Variants in MAST1 observed in about 807,000 individuals in gnomAD.
MAST1 encodes the protein microtubule-associated serine/threonine-protein kinase 1.
Under a neutral mutation model 124.6 loss-of-function variants are expected in MAST1, and 40 were observed. The ratio of observed to expected loss-of-function variants is 0.32; its 90% confidence interval spans 0.25 to 0.42. The LOEUF (loss-of-function observed/expected upper bound fraction) is 0.42. Ranked by LOEUF, MAST1 falls within the 10% of genes least tolerant of loss-of-function variation. MAST1 has a pLI of 1.00. For missense variants in MAST1, 1,558 were observed against 2,181.9 expected (o/e 0.71, Z 5.70); for synonymous variants, 938 against 939.4 (o/e 1.00, Z 0.03).
In MAST1 at chr19:12,864,931, G is replaced by A; in HGVS notation, c.1489G>A (p.Asp497Asn). 1 of 1,614,106 alleles carries A rather than the reference G, an allele frequency of 6.2e-7. No homozygotes were observed. Among genetic ancestry groups the A allele is most frequent in the Non-Finnish European group, 8.5e-7 (1 of 1,180,004 alleles). The change falls in exon 13 of 26, where the codon GAC becomes AAC. Residue 497 changes from aspartate to asparagine, a missense_variant. Coordinates refer to ENST00000251472, the MANE Select transcript of MAST1 (RefSeq NM_014975.3). ...GCACAACTATGGCATCGTGCACCGCGACCTCAAGCCTGACAAGTGAGCTTT... is the reference window on the plus strand; with the variant it reads ...GCACAACTATGGCATCGTGCACCGCAACCTCAAGCCTGACAAGTGAGCTTT... ...YLHNYGIVHR[D>N]LKPDNLLITS...
chr19:12,870,752 G>A (rs958152851), intron 22 of MAST1, 72 bp from the exon 23 acceptor site: 7 of 1,481,738 alleles, frequency 4.7e-6, no homozygotes, highest in Non-Finnish European at 6.4e-6. Context: ...TAAGTGTCCT[G>A]CATATAAGTT....
At chr19:12,871,700 A>G (rs1346736135) in intron 24 of MAST1, among the ~76,000 whole-genome samples, 1 of 151,972 alleles carries the variant, frequency 6.6e-6, no homozygotes, top group Non-Finnish European at 1.5e-5. Context: ...CAGAAGGATC[A>G]CTTGAGCCCA....
At chr19:12,845,949 G>A (rs909268972) in intron 4 of MAST1, among the ~76,000 whole-genome samples, 2 of 150,056 alleles carry the variant, frequency 1.3e-5, no homozygotes, top group Non-Finnish European at 1.5e-5. Flanking sequence ...GTGAGCCACC[G>A]AGCCCTGCCC....
In MAST1 at chr19:12,864,813, C is replaced by A; in HGVS notation, c.1371C>A (p.Gly457=). 6.2e-7 allele frequency: 1 copy of A among 1,613,650 alleles called. No homozygotes were observed. The highest frequency in any genetic ancestry group is 8.5e-7 in the Non-Finnish European group (1 of 1,179,988). The change falls in exon 13 of 26, where the codon GGC becomes GGA. Residue 457 remains glycine, a synonymous_variant. Coordinates refer to ENST00000251472, the MANE Select transcript of MAST1 (RefSeq NM_014975.3). ...GGCCCATTTCCTGGCCTGCAGGCGG[C>A]GACTGTGCCACCCTGCTGAAGAATA... is the stretch of plus-strand genomic sequence containing the variant. The part of the protein sequence containing the change: ...LCMVMEYVEG[G]DCATLLKNIG...
chr19:12,873,450 C>T lies in MAST1; in HGVS notation c.3390C>T (p.His1130=), dbSNP rs762845368. The T allele has an allele frequency of 6.2e-7, 1 of 1,611,784 alleles. No homozygotes were observed. The highest frequency in any genetic ancestry group is 8.5e-7 in the Non-Finnish European group (1 of 1,179,836). The change falls in exon 25 of 26, where the codon CAC becomes CAT. Residue 1130 remains histidine, a synonymous_variant. Coordinates refer to ENST00000251472, the MANE Select transcript of MAST1 (RefSeq NM_014975.3). ...ATAGTCTCCCGGGCTCGCCTACGCA[C>T]GGGCTGCCGGCGCGCTCGCCCACGC... ...SSDSLPGSPT[H]GLPARSPTHS...
chr19:12,867,767 G>C lies in MAST1; in HGVS notation c.2356G>C (p.Gly786Arg). ...FSASEASFLE[G>R]EASPPLGARR... ...CGCGTCCGAGGCCAGTTTCCTGGAG[G>C]GAGAGGCCAGTCCCCCTTTGGGCGC... is the stretch of plus-strand genomic sequence containing the variant. Residue 786 changes from glycine (G) to arginine (R), a missense_variant, in exon 20 of 26, where the codon GGA (glycine) becomes CGA (arginine). By Grantham distance (125) the Gly-to-Arg change is moderately radical. Around this residue, in one of 10 missense-constraint regions of MAST1, gnomAD observed 287 missense variants for 308.0 expected, o/e 0.93. Coordinates refer to ENST00000251472, the MANE Select transcript of MAST1 (RefSeq NM_014975.3). 2 of 1,551,054 alleles carry C rather than the reference G, an allele frequency of 1.3e-6. No homozygotes were observed. The highest frequency in any genetic ancestry group is 1.2e-5 in the South Asian group (1 of 85,690).
chr19:12,859,688 C>T (rs116727322), intron 12 of MAST1, among the ~76,000 whole-genome samples: 3,278 of 151,958 alleles, frequency 0.022, 63 homozygotes, highest in Middle Eastern at 0.065. Flanking sequence ...CAGCTACTCA[C>T]GTGGCTGAAG....
chr19:12,859,338 C>G (rs150409567), intron 12 of MAST1, among the ~76,000 whole-genome samples: 4 of 152,228 alleles, frequency 2.6e-5, no homozygotes, highest in African/African-American at 9.6e-5. Flanking sequence ...CCTGGGCCTC[C>G]CAAAGTGCTG....
In MAST1 at chr19:12,873,164, A is replaced by C. The variant is rs1413425374; in HGVS notation, c.3264-160A>C. The C allele has an allele frequency of 1.5e-5, 10 of 667,430 alleles. No individual in the cohort carries two copies. In the East Asian group the frequency reaches 2.7e-4, roughly 18 times the overall value. 41.3% of individuals were successfully genotyped at this position (667,430 alleles called of 1,614,324 possible). On this transcript the variant is annotated intron_variant, in intron 24 of 25. Transcript: ENST00000251472. Reference sequence around the variant, plus strand: ...ACTGAAGTGGGAGGAGCCAAGCAGCACTGAGCTAAAGGAAGTTCTTTATCT... The same window carrying C: ...ACTGAAGTGGGAGGAGCCAAGCAGCCCTGAGCTAAAGGAAGTTCTTTATCT...
chr19:12,848,102 C>CA, intron 7 of MAST1, 45 bp downstream of exon 7: 1 of 1,558,956 alleles, frequency 6.4e-7, no homozygotes, highest in Non-Finnish European at 8.8e-7. Context: ...TCAGCACCGC[C>CA]AGATTGTGCC....
chr19:12,841,402 C>G lies in MAST1; in HGVS notation c.248+336C>G, dbSNP rs893091650. 6.6e-6 allele frequency among the ~76,000 whole-genome samples: 1 copy of G among 152,248 alleles called. No homozygotes were observed. The highest frequency in any genetic ancestry group is 2.4e-5 in the African/African-American group (1 of 41,470). On this transcript the variant is annotated intron_variant, in intron 3 of 25. Coordinates refer to ENST00000251472, the MANE Select transcript of MAST1 (RefSeq NM_014975.3). This position sits in a 1 kb window ranked among gnomAD's most constrained non-coding sequence, Gnocchi z 4.3. ...CAACAGGACGGGGCAGCCAAGATGA[C>G]GTGCGCAAGCGCAGATTGCGCGATG...
intron 20 of MAST1, 166 bp from the exon 21 acceptor site, chr19:12,868,477 A>C: frequency 1.6e-6 from 1 of 608,890 alleles, no homozygotes; most frequent in South Asian, 2.1e-5. Flanking sequence ...ACCGATACAG[A>C]CTATGTCTCT....
chr19:12,864,533 CCT>C (rs1301737813), intron 12 of MAST1, among the ~76,000 whole-genome samples: 1 of 152,126 alleles, frequency 6.6e-6, no homozygotes, highest in East Asian at 1.9e-4. Context: ...CCCAACTAAA[CCT>C]CACCTCTACC....
intron 23 of MAST1, 24 bp downstream of exon 23, chr19:12,870,970 C>A: frequency 6.2e-7 from 1 of 1,612,688 alleles, no homozygotes; most frequent in Middle Eastern, 1.7e-4. Context: ...AGGAGGCACC[C>A]TGGGCGGAGG....
intron 12 of MAST1, among the ~76,000 whole-genome samples, chr19:12,859,749 G>A (rs1970057117): frequency 1.3e-5 from 2 of 150,824 alleles, no homozygotes; most frequent in Non-Finnish European, 2.9e-5. Context: ...AGCCGAGATC[G>A]TGCTGCTGCA....
chr19:12,854,904 A>G (rs1970001849), intron 10 of MAST1, among the ~76,000 whole-genome samples: 2 of 152,112 alleles, frequency 1.3e-5, no homozygotes, highest in South Asian at 4.1e-4. Flanking sequence ...CCCAATGGCC[A>G]CACATGTGTT....
chr19:12,847,715 G>A lies in MAST1; in HGVS notation c.564+28G>A, dbSNP rs1427422292. 5 of 1,609,980 alleles carry A rather than the reference G, an allele frequency of 3.1e-6. No homozygotes were observed. Among genetic ancestry groups the A allele is most frequent in the Non-Finnish European group, 3.4e-6 (4 of 1,177,372 alleles). ...GAGGTGGGACCCGAGGCGGTCACGG[G>A]GTGACCAGGCGGCCTGCACTCTCGC... On this transcript the variant is annotated intron_variant, in intron 6 of 25. Coordinates refer to ENST00000251472, the MANE Select transcript of MAST1 (RefSeq NM_014975.3). This position sits in a 1 kb window ranked among gnomAD's most constrained non-coding sequence, Gnocchi z 5.5.
chr19:12,874,896 G>C lies in MAST1; in HGVS notation c.*26G>C, dbSNP rs1313416507. On this transcript the variant is annotated 3_prime_UTR_variant, in exon 26 of 26. Transcript: ENST00000251472. The surrounding 1 kb of genome is among the most constrained non-coding windows in gnomAD (Gnocchi z 6.6). ...CCAAGGGGGTCATCGGCCCCGCGCTGTACAGCCTCCGTATACATATGTACA... is the reference window on the plus strand; with the variant it reads ...CCAAGGGGGTCATCGGCCCCGCGCTCTACAGCCTCCGTATACATATGTACA... The C allele has an allele frequency of 3.2e-6, 5 of 1,576,970 alleles. No homozygotes were observed. The highest frequency in any genetic ancestry group is 4.3e-6 in the Non-Finnish European group (5 of 1,166,052).
chr19:12,854,521 G>T (rs1371340271), intron 10 of MAST1, among the ~76,000 whole-genome samples: 2 of 152,294 alleles, frequency 1.3e-5, no homozygotes, highest in East Asian at 1.9e-4. Context: ...TATCCATGTT[G>T]TAGCTTGTGT....
Sources: gnomAD v4.1 joint callset for allele counts (sites outside exome capture counted in the v4.1 genomes callset) on GRCh38, gnomAD v4.1.1 for gene constraint, gnomAD v4.1.1 regional missense constraint, Gnocchi (gnomAD v3.1) non-coding constraint, MANE v1.5 for transcripts, NCBI Gene and HGNC (gene_info 2026-07-23, HGNC 2026-07-21) for gene names.